The following MEF2D variants were observed in gnomAD, a reference collection of about 807,000 sequenced individuals.
MEF2D encodes myocyte-specific enhancer factor 2D.
A neutral mutation model predicts 59.3 loss-of-function variants in MEF2D; 10 were observed. The ratio of observed to expected loss-of-function variants is 0.17; its 90% CI spans 0.10 to 0.29. The LOEUF is 0.29. Among genes scored for constraint, MEF2D ranks in the 10% least tolerant of loss-of-function variants. The pLI, the probability that MEF2D is intolerant of heterozygous loss-of-function variation, is 1.00. For synonymous variants in MEF2D, 305 were observed against 295.0 expected (o/e 1.03, Z -0.35); for missense variants, 508 against 699.4 (o/e 0.73, Z 3.09).
rs745744915 is a variant in MEF2D at position 156,480,797 on chromosome 1, AGG to A, written c.396+35_396+36del. 2.8e-4 allele frequency: 451 copies of A among 1,589,730 alleles called. 3 individuals carry two copies. In the Middle Eastern group the frequency reaches 3.5e-3, roughly 12 times the overall value. ...CAGCGCCTGGGGGGAAGGGGCCGGA[AGG>A]GGGGGCCAACAGAGACAGAGTGAGT... On this transcript the variant is annotated intron_variant, in intron 4 of 11. Coordinates refer to ENST00000348159, the MANE Select transcript of MEF2D (RefSeq NM_005920.4).
At position 156,479,672 on chromosome 1, in the gene MEF2D, G is replaced by A. The variant is rs946300680; in HGVS notation, c.521C>T (p.Thr174Met). 1.3e-5 allele frequency: 20 copies of A among 1,551,778 alleles called. No homozygotes were observed. In the Middle Eastern group the frequency reaches 5.1e-4, roughly 39 times the overall value. ...VTPSLVTSSLTDPRLLSPQQP... is the reference protein window; with the variant it reads ...VTPSLVTSSLMDPRLLSPQQP... ...CTGGGGGGACAGGAGCCGCGGGTCC[G>A]TGAGGGATGATGTCACCAGGGAAGG... Residue 174 changes from threonine (T) to methionine (M), a missense_variant, in exon 5 of 12, where the codon ACG (threonine) becomes ATG (methionine). Coordinates refer to ENST00000348159, the MANE Select transcript of MEF2D (RefSeq NM_005920.4).
Position 156,466,575 on chromosome 1 carries a change from TG to T in MEF2D, c.*1069del, listed in dbSNP as rs1670859272. On this transcript the variant is annotated 3_prime_UTR_variant, in exon 12 of 12. Transcript: ENST00000348159. ...CCTCCCACCCCACAGACCATCCCAG[TG>T]TTGACTCCCCCAGGTAGTGTGCGTG... 1 of 152,740 alleles carries T rather than the reference TG, an allele frequency of 6.5e-6. No homozygotes were observed. The highest frequency in any genetic ancestry group is 2.1e-4 in the South Asian group (1 of 4,832). 9.5% of individuals were successfully genotyped at this position (152,740 alleles called of 1,614,324 possible). A position where few individuals can be genotyped will look rare whatever the true frequency, so the allele number is the denominator to read the frequency against.
chr1:156,474,441 C>A (rs1671435016), intron 9 of MEF2D, among the ~76,000 whole-genome samples: 1 of 152,098 alleles, frequency 6.6e-6, no homozygotes, highest in Admixed American at 6.5e-5. Flanking sequence ...AAGAGTGAGA[C>A]TACCTCAAAA....
At chr1:156,497,020 G>A (rs746978694) in intron 1 of MEF2D, among the ~76,000 whole-genome samples, 10 of 152,192 alleles carry the variant, frequency 6.6e-5, no homozygotes, top group Non-Finnish European at 1.3e-4. Flanking sequence ...AAAGTGCTTT[G>A]AGTTCCCCTC....
rs535597399 is a variant in MEF2D, at chr1:156,468,087, C to T, written c.1460G>A (p.Arg487Gln). ...SYETGDRDDG[R>Q]GDFGPTLGLL... ...GCCCAGTGTGGGCCCGAAGTCCCCC[C>T]GTCCGTCATCCCGGTCTCCCGTCTC... The change falls in exon 11 of 12, where the codon CGG (arginine) becomes CAG (glutamine). Residue 487 changes from arginine (R) to glutamine (Q), a missense_variant. Arg to Gln is a conservative substitution (Grantham distance 43, BLOSUM62 1). This residue lies in a region of MEF2D where 481 missense variants were observed against 584.7 expected (regional missense o/e 0.82). Coordinates refer to ENST00000348159, the MANE Select transcript of MEF2D (RefSeq NM_005920.4). This position sits in a 1 kb window ranked among gnomAD's most constrained non-coding sequence, Gnocchi z 4.3. 32 of 1,614,072 alleles carry T rather than the reference C, an allele frequency of 2.0e-5. 1 individual carries two copies. The highest frequency in any genetic ancestry group is 1.9e-4 in the South Asian group (17 of 91,084).
At chr1:156,477,387 T>A (rs980813217) in intron 6 of MEF2D, among the ~76,000 whole-genome samples, 185 bp from the exon 7 acceptor site, 8 of 152,170 alleles carry the variant, frequency 5.3e-5, no homozygotes, top group African/African-American at 1.9e-4. Flanking sequence ...GGGAGGCAAG[T>A]ACCCCTTACT....
intron 1 of MEF2D, among the ~76,000 whole-genome samples, chr1:156,486,169 G>T (rs1258549249): frequency 6.6e-6 from 1 of 152,126 alleles, no homozygotes; most frequent in Admixed American, 6.5e-5. Context: ...AGCCCAGCCA[G>T]CCCTGAGTGG....
intron 3 of MEF2D, among the ~76,000 whole-genome samples, chr1:156,481,179 A>G (rs1186838411): frequency 6.6e-6 from 1 of 152,128 alleles, no homozygotes; most frequent in Non-Finnish European, 1.5e-5. Flanking sequence ...AGCTGTCGGA[A>G]CACAGAGAAC....
rs565928328 is a variant in MEF2D at position 156,464,289 on chromosome 1, T to A, written c.*3356A>T. ...ATATAGATATTTCTAGATACACTTT[T>A]ACATTTCTGTCTCTCCAAACAAATA... On this transcript the variant is annotated 3_prime_UTR_variant, in exon 12 of 12. Transcript: ENST00000348159. The A allele has an allele frequency of 1.5e-4, 23 of 151,932 alleles. No individual in the cohort carries two copies. The highest frequency in any genetic ancestry group is 5.1e-4 in the African/African-American group (21 of 41,426). The allele number at this position is 151,932 out of a possible 1,614,324, so 9.4% of individuals were successfully genotyped here.
At chr1:156,489,743 C>T (rs12038396) in intron 1 of MEF2D, among the ~76,000 whole-genome samples, 83,717 of 151,922 alleles carry the variant, frequency 0.55, 24,971 homozygotes, top group East Asian at 0.73. Context: ...GCAAGGGGGC[C>T]CTTGGGGGCC....
At position 156,468,725 on chromosome 1, in the gene MEF2D, T is replaced by C. The variant is rs111800968; in HGVS notation, c.1247+55A>G. ...CCCAGCTCCCAAGAGGTCCCTCCTC[T>C]TCCCGTTCAATTCTCCCTTCCCACA... On this transcript the variant is annotated intron_variant, in intron 10 of 11. Coordinates refer to ENST00000348159, the MANE Select transcript of MEF2D (RefSeq NM_005920.4). This position sits in a 1 kb window ranked among gnomAD's most constrained non-coding sequence, Gnocchi z 4.3. The C allele has an allele frequency of 3.5e-3, 5,566 of 1,578,564 alleles. 169 individuals are homozygous for C. In the African/African-American group the frequency reaches 0.065, roughly 18 times the overall value.
At chr1:156,480,583 G>C (rs1252596561) in intron 4 of MEF2D, 1 of 1,492,850 alleles carries the variant, frequency 6.7e-7, no homozygotes, top group Non-Finnish European at 9.0e-7. Flanking sequence ...GCAGCCGAGA[G>C]CCAGGGCGCG....
chr1:156,468,858 TGTGGCTGCTGTGGCTGCG>T lies in MEF2D; in HGVS notation c.1151_1168del (p.Pro384_Pro389del), dbSNP rs1213464788. ...TTGCGGCTGCTGAGGCTGCTGTGGC[TGTGGCTGCTGTGGCTGCG>T]GTGGCTGCTGCTGTGGAGGCTGTGG... is the stretch of plus-strand genomic sequence containing the variant. On this transcript the variant is annotated inframe_deletion, in exon 10 of 12. Coordinates refer to ENST00000348159, the MANE Select transcript of MEF2D (RefSeq NM_005920.4). The surrounding 1 kb of genome is among the most constrained non-coding windows in gnomAD (Gnocchi z 4.3). The T allele has an allele frequency of 1.9e-6, 3 of 1,608,238 alleles. No homozygotes were observed. Among genetic ancestry groups the T allele is most frequent in the East Asian group, 2.2e-5 (1 of 44,888 alleles).
intron 4 of MEF2D, among the ~76,000 whole-genome samples, chr1:156,480,255 G>A (rs575450298): frequency 6.2e-4 from 94 of 151,268 alleles, no homozygotes; most frequent in African/African-American, 2.2e-3. Flanking sequence ...CCCCCACCTC[G>A]CTGCCTTCCC....
At chr1:156,498,434 G>A (rs889020491) in intron 1 of MEF2D, among the ~76,000 whole-genome samples, 1 of 152,120 alleles carries the variant, frequency 6.6e-6, no homozygotes, top group Non-Finnish European at 1.5e-5. Context: ...CCATGAACAC[G>A]GACTGTATGT....
chr1:156,483,427 C>T lies in MEF2D; in HGVS notation c.-135G>A. 1.2e-6 allele frequency: 1 copy of T among 848,412 alleles called. No individual in the cohort carries two copies. The highest frequency in any genetic ancestry group is 1.9e-6 in the Non-Finnish European group (1 of 516,880). 52.6% of individuals were successfully genotyped at this position (848,412 alleles called of 1,614,324 possible). A position where few individuals can be genotyped will look rare whatever the true frequency, so the allele number is the denominator to read the frequency against. ...GGTCTGCAGGATACCTTCTGCACAG[C>T]CTCCTGGAAAGGGAGGGTCATGAGA... On this transcript the variant is annotated 5_prime_UTR_variant, in exon 2 of 12. Coordinates refer to ENST00000348159, the MANE Select transcript of MEF2D (RefSeq NM_005920.4).
intron 1 of MEF2D, among the ~76,000 whole-genome samples, chr1:156,495,762 CAAAA>C (rs372092331): frequency 1.3e-5 from 1 of 78,010 alleles, no homozygotes; most frequent in African/African-American, 5.4e-5. Flanking sequence ...GACCAGGGGG[CAAAA>C]AAAAAAAAAA....
At chr1:156,497,992 G>A (rs991283236) in intron 1 of MEF2D, among the ~76,000 whole-genome samples, 1 of 150,886 alleles carries the variant, frequency 6.6e-6, no homozygotes, top group Non-Finnish European at 1.5e-5. Flanking sequence ...CTCCTCGGGG[G>A]CCAAGGCACC....
In MEF2D at chr1:156,483,138, T is replaced by A. The variant is rs537595281; in HGVS notation, c.54+101A>T. ...TCCCCTTCTGTAATAGCTTATAGTT[T>A]CCCCTCTTCCACAAAGCCCTCTTGG... On this transcript the variant is annotated intron_variant, in intron 2 of 11. Transcript: ENST00000348159. The A allele has an allele frequency of 5.8e-5, 71 of 1,222,680 alleles. No homozygotes were observed. The East Asian group carries it at 1.5e-3, about 26-fold the overall frequency. The allele number at this position is 1,222,680 out of a possible 1,614,324, so 75.7% of individuals were successfully genotyped here.
Sources: allele counts gnomAD v4.1 joint callset (sites outside exome capture counted in the v4.1 genomes callset), GRCh38; gene constraint gnomAD v4.1.1; regional missense constraint gnomAD v4.1.1; non-coding constraint Gnocchi (gnomAD v3.1); transcripts MANE v1.5; gene names NCBI Gene and HGNC (gene_info 2026-07-23, HGNC 2026-07-21).